OTUD5: variants seen among roughly 807,000 people sequenced by gnomAD.
OTUD5 encodes the protein OTU domain-containing protein 5.
OTUD5 carries 2 observed loss-of-function variants against 36.3 expected under a neutral mutation model. The observed-to-expected ratio is 0.06, with a 90% CI of 0.02 to 0.17. The LOEUF (loss-of-function observed/expected upper bound fraction) is 0.17. OTUD5 is among the 10% of genes least tolerant of loss of function. The pLI is 1.00. For synonymous variants in OTUD5, 234 were observed against 214.9 expected, an observed-to-expected ratio of 1.09 and a Z score of -0.78; for missense variants, 233 against 512.3, an observed-to-expected ratio of 0.45 and a Z score of 5.26.
At chrX:48,943,350 G>A (rs1458782286) in intron 2 of OTUD5, among the ~76,000 whole-genome samples, 2 of 111,983 alleles carry the variant, frequency 1.8e-5, no homozygotes, top group African/African-American at 6.5e-5. Flanking sequence ...ATTCTGTTAG[G>A]TGCAGTAATG....
At chrX:48,935,111 G>A (rs889255146) in intron 2 of OTUD5, 93 bp from the exon 3 acceptor site, 1 of 870,853 alleles carries the variant, frequency 1.1e-6, no homozygotes, top group Admixed American at 2.6e-5. Flanking sequence ...GGAACTGGGG[G>A]ACCAGGGAAA....
intron 1 of OTUD5, among the ~76,000 whole-genome samples, chrX:48,951,400 G>T (rs1176221828): frequency 4.5e-5 from 5 of 111,148 alleles, no homozygotes; most frequent in African/African-American, 1.6e-4. Flanking sequence ...GGATCACGAA[G>T]TCAGGAGATC....
intron 5 of OTUD5, among the ~76,000 whole-genome samples, chrX:48,933,606 C>T (rs2063789331): frequency 9.1e-6 from 1 of 110,266 alleles, no homozygotes; most frequent in Admixed American, 9.7e-5. Context: ...TTAGTAGAGA[C>T]AGGGTTTCAC....
upstream of OTUD5, chrX:48,957,714 C>A: frequency 1.3e-6 from 1 of 791,862 alleles, no homozygotes; most frequent in Non-Finnish European, 1.5e-6. Context: ...TTCGAGAACC[C>A]TCGGCGGCGG....
At chrX:48,939,422 C>T (rs1196554232) in intron 2 of OTUD5, among the ~76,000 whole-genome samples, 1 of 111,760 alleles carries the variant, frequency 8.9e-6, no homozygotes, top group Non-Finnish European at 1.9e-5. Flanking sequence ...ATACACACCC[C>T]ACTTCTTTCC....
chrX:48,925,129 T>C (rs1370411657), intron 6 of OTUD5, among the ~76,000 whole-genome samples: 3 of 109,406 alleles, frequency 2.7e-5, no homozygotes, highest in African/African-American at 1.0e-4. Flanking sequence ...ATACAAAAAA[T>C]TAGCCAGGCG....
At chrX:48,942,128 A>G (rs2063934747) in intron 2 of OTUD5, among the ~76,000 whole-genome samples, 2 of 109,686 alleles carry the variant, frequency 1.8e-5, no homozygotes, top group Non-Finnish European at 3.8e-5. Context: ...ATAGACACAC[A>G]CACACACACA....
At chrX:48,928,690 C>T (rs1160226723) in intron 5 of OTUD5, among the ~76,000 whole-genome samples, 1 of 109,621 alleles carries the variant, frequency 9.1e-6, no homozygotes, top group Non-Finnish European at 1.9e-5. Context: ...TAAAGTTAGC[C>T]AGGCATGGTG....
intron 1 of OTUD5, among the ~76,000 whole-genome samples, chrX:48,948,474 A>G (rs1382859315): frequency 1.8e-5 from 2 of 112,699 alleles, no homozygotes; most frequent in Non-Finnish European, 3.8e-5. Flanking sequence ...CACGAGCCAC[A>G]GCATGGAGGA....
In OTUD5 at chrX:48,930,724, C is replaced by T. The variant is rs782213413; in HGVS notation, c.1059+3740G>A. 9.9e-5 allele frequency among the ~76,000 whole-genome samples: 11 copies of T among 111,176 alleles called. No individual in the cohort carries two copies. The South Asian group carries it at 3.8e-3, about 38-fold the overall frequency. On this transcript the variant is annotated intron_variant, in intron 5 of 8. Transcript: ENST00000376488. ...CTGTAATCCCTGCACTTTGGGAGAC[C>T]GAGGAGGGTGGATCACCTGAGGTCA...
intron 6 of OTUD5, among the ~76,000 whole-genome samples, chrX:48,925,429 G>A (rs186920307): frequency 7.3e-5 from 8 of 109,959 alleles, no homozygotes; most frequent in Non-Finnish European, 1.1e-4. Context: ...AAGACTAACC[G>A]GAGCCCCCAC....
intron 1 of OTUD5, among the ~76,000 whole-genome samples, chrX:48,947,047 T>C (rs1047964166): frequency 3.6e-5 from 4 of 111,923 alleles, no homozygotes; most frequent in Admixed American, 1.9e-4. Context: ...CCACAAGGTA[T>C]GAACAAGGCT....
chrX:48,926,365 T>A (rs1557047755), intron 5 of OTUD5, among the ~76,000 whole-genome samples: 1 of 108,976 alleles, frequency 9.2e-6, no homozygotes, highest in Non-Finnish European at 1.9e-5. Flanking sequence ...TTTTTTTTTT[T>A]TCTGAGACGA....
chrX:48,948,943 A>C (rs1444273464), intron 1 of OTUD5, among the ~76,000 whole-genome samples: 4 of 111,907 alleles, frequency 3.6e-5, no homozygotes, highest in African/African-American at 1.3e-4. Context: ...CTAAGGGCCC[A>C]AGTGAAGTTG....
At chrX:48,951,343 G>A (rs1393881076) in intron 1 of OTUD5, among the ~76,000 whole-genome samples, 1 of 112,312 alleles carries the variant, frequency 8.9e-6, no homozygotes, top group African/African-American at 3.2e-5. Flanking sequence ...GGCCAGGCGT[G>A]GTGGCTCACG....
intron 2 of OTUD5, among the ~76,000 whole-genome samples, chrX:48,942,299 T>TACACACACACACACACACACACAC (rs61325018): frequency 4.4e-4 from 24 of 55,009 alleles, no homozygotes; most frequent in Non-Finnish European, 8.0e-4. Context: ...GCTAGCTAGA[T>TACACACACACACACACACACACAC]ACACACACAC....
Position 48,925,860 on chromosome X carries a change from C to T in OTUD5, c.1250G>A (p.Arg417Gln), listed in dbSNP as rs2063658623. 1.7e-6 allele frequency: 2 copies of T among 1,206,089 alleles called. No homozygotes were observed. The highest frequency in any genetic ancestry group is 2.2e-6 in the Non-Finnish European group (2 of 893,150). The change falls in exon 6 of 9, where the codon CGA (arginine) becomes CAA (glutamine). Residue 417 changes from arginine to glutamine, a missense_variant. Arg to Gln is a conservative substitution (Grantham distance 43). Coordinates refer to ENST00000376488, the MANE Select transcript of OTUD5 (RefSeq NM_001136157.2). ...TCCATGACCCACCTGGCTGGGGCCT[C>T]GGACCTGGCGAGCCTGTTTCTCCTG... ...RDQEKQARQV[R>Q]GPSQPRKASA...
intron 1 of OTUD5, among the ~76,000 whole-genome samples, chrX:48,956,312 C>CGTGTGTGTGT (rs200578681): frequency 1.9e-5 from 2 of 104,067 alleles, no homozygotes; most frequent in African/African-American, 3.5e-5. Flanking sequence ...TTAAAGGGGG[C>CGTGTGTGTGT]GTGTGTGTGT....
At chrX:48,958,299 C>T (rs1355748796), upstream of OTUD5, 1 of 113,082 alleles carries the variant, frequency 8.8e-6, no homozygotes, top group Non-Finnish European at 1.9e-5. Flanking sequence ...AACACCTCCC[C>T]TCCAGGATTC....
Sources: gnomAD v4.1 joint callset for allele counts (sites outside exome capture counted in the v4.1 genomes callset) on GRCh38, gnomAD v4.1.1 for gene constraint, MANE v1.5 for transcripts, NCBI Gene and HGNC (gene_info 2026-07-23, HGNC 2026-07-21) for gene names.